CCDC192: variants seen among roughly 807,000 people sequenced by gnomAD.
CCDC192 encodes the protein coiled-coil domain containing 192.
intron 6 of CCDC192, among the ~76,000 whole-genome samples, chr5:127,939,862 T>C (rs1293460052): frequency 1.3e-5 from 2 of 152,210 alleles, no homozygotes; most frequent in African/African-American, 2.4e-5. Context: ...GGGACCTCAA[T>C]TGTAACAATC....
intron 6 of CCDC192, among the ~76,000 whole-genome samples, chr5:127,936,066 C>T (rs906270739): frequency 6.6e-6 from 1 of 151,898 alleles, no homozygotes; most frequent in African/African-American, 2.4e-5. Flanking sequence ...ATCGCACCAT[C>T]GCACTCCAGC....
chr5:127,925,758 G>A (rs552010301), intron 6 of CCDC192, among the ~76,000 whole-genome samples: 1 of 152,040 alleles, frequency 6.6e-6, no homozygotes, highest in Non-Finnish European at 1.5e-5. Context: ...CTTCTCGTTC[G>A]CTTAAACCAC....
chr5:127,736,948 T>G (rs928489277), intron 2 of CCDC192, among the ~76,000 whole-genome samples: 2 of 151,310 alleles, frequency 1.3e-5, no homozygotes, highest in African/African-American at 2.4e-5. Context: ...GCTCAGATTT[T>G]AGTTATTTCT....
rs186611053 is a variant in CCDC192 at position 127,861,065 on chromosome 5, A to G, written c.412-14473A>G. ...CTCTTGCTGCCCAGCCTGGAATGCAATGGCGCAATCTTGGCTCACTACAAC... is the reference window on the plus strand; with the variant it reads ...CTCTTGCTGCCCAGCCTGGAATGCAGTGGCGCAATCTTGGCTCACTACAAC... On this transcript the variant is annotated intron_variant, in intron 5 of 6. Coordinates refer to ENST00000514853, the MANE Select transcript of CCDC192 (RefSeq NM_001317938.2). Among the ~76,000 whole-genome samples the G allele has an allele frequency of 2.5e-3, 384 of 152,086 alleles. 1 individual carries two copies. Among genetic ancestry groups the G allele is most frequent in the Non-Finnish European group, 3.9e-3 (263 of 68,008 alleles).
At chr5:127,910,367 A>G (rs1232038201) in intron 6 of CCDC192, among the ~76,000 whole-genome samples, 1 of 152,240 alleles carries the variant, frequency 6.6e-6, no homozygotes, top group Admixed American at 6.5e-5. Context: ...TGGCTTCTTA[A>G]GTAAATTAAC....
intron 3 of CCDC192, chr5:127,786,640 A>T (rs1756556370): frequency 1.3e-6 from 1 of 760,812 alleles, no homozygotes; most frequent in Non-Finnish European, 2.5e-6. Context: ...AGGTAGGCAC[A>T]AATTCCATTC....
intron 2 of CCDC192, among the ~76,000 whole-genome samples, chr5:127,719,832 G>A (rs75346965): frequency 2.7e-5 from 3 of 112,308 alleles, no homozygotes; most frequent in African/African-American, 3.8e-5. Flanking sequence ...CAGAGGAAGG[G>A]GCGGGGGAGG....
chr5:127,770,776 G>A (rs1253370384), intron 3 of CCDC192, among the ~76,000 whole-genome samples: 2 of 152,256 alleles, frequency 1.3e-5, no homozygotes, highest in South Asian at 4.1e-4. Flanking sequence ...ATGCATTATT[G>A]GATTAACATA....
In CCDC192 at chr5:127,704,106, T is replaced by G. The variant is rs538577647; in HGVS notation, c.62+599T>G. 7.2e-5 allele frequency among the ~76,000 whole-genome samples: 11 copies of G among 152,378 alleles called. No homozygotes were observed. In the South Asian group the frequency reaches 2.3e-3, roughly 32 times the overall value. On this transcript the variant is annotated intron_variant, in intron 1 of 6. Coordinates refer to ENST00000514853, the MANE Select transcript of CCDC192 (RefSeq NM_001317938.2). ...ATCTTGAGTGAGAGGTGGCCACATC[T>G]CTGTAGCAGGAGCTACATCCTATAG...
chr5:127,709,202 G>GGC (rs1247306394), intron 2 of CCDC192, among the ~76,000 whole-genome samples: 1 of 85,698 alleles, frequency 1.2e-5, no homozygotes, highest in African/African-American at 4.8e-5. Context: ...GGAGAGAGGG[G>GGC]GAGAGAGAGA....
At position 127,933,224 on chromosome 5, in the gene CCDC192, G is replaced by T. The variant is rs76763896; in HGVS notation, c.536-7958G>T. On this transcript the variant is annotated intron_variant, in intron 6 of 6. Transcript: ENST00000514853. ...GCCTTGAAGATCAGTGTGAGACTTT[G>T]GTCTGCATGAGACGAAAAGTCGCTG... Among the ~76,000 whole-genome samples, 1,409 of 152,280 alleles carry T rather than the reference G, an allele frequency of 9.3e-3. 27 individuals carry two copies. The highest frequency in any genetic ancestry group is 0.031 in the African/African-American group (1,308 of 41,552).
intron 2 of CCDC192, among the ~76,000 whole-genome samples, chr5:127,738,673 C>A (rs1367304162): frequency 6.6e-6 from 1 of 151,950 alleles, no homozygotes; most frequent in Non-Finnish European, 1.5e-5. Context: ...CGCTTCATTT[C>A]ATTCATTTCT....
At chr5:127,707,615 G>A (rs1382746523) in intron 1 of CCDC192, 94 bp from the exon 2 acceptor site, 1 of 392,320 alleles carries the variant, frequency 2.5e-6, no homozygotes, top group East Asian at 3.6e-5. Flanking sequence ...ATGTTACAGT[G>A]TAATGATCTA....
At chr5:127,741,120 G>T (rs1753391130) in intron 2 of CCDC192, among the ~76,000 whole-genome samples, 1 of 152,038 alleles carries the variant, frequency 6.6e-6, no homozygotes, top group Non-Finnish European at 1.5e-5. Context: ...GAGTGCAGTG[G>T]CGTAATCTCG....
chr5:127,834,882 C>G (rs1418709938), intron 5 of CCDC192, among the ~76,000 whole-genome samples: 1 of 152,068 alleles, frequency 6.6e-6, no homozygotes, highest in Admixed American at 6.5e-5. Context: ...ACAAATGGGC[C>G]AGTGTGTATA....
At chr5:127,931,470 G>A (rs1216059577) in intron 6 of CCDC192, among the ~76,000 whole-genome samples, 1 of 152,160 alleles carries the variant, frequency 6.6e-6, no homozygotes, top group Non-Finnish European at 1.5e-5. Flanking sequence ...TTGTCAAGTA[G>A]CCAGCACAAT....
chr5:127,918,559 C>A (rs1277721831), intron 6 of CCDC192, among the ~76,000 whole-genome samples: 1 of 152,104 alleles, frequency 6.6e-6, no homozygotes, highest in African/African-American at 2.4e-5. Flanking sequence ...CAAAAAAGCC[C>A]CAAAATGAAG....
chr5:127,719,524 T>TATATATATATACAC lies in CCDC192; in HGVS notation c.114+11765_114+11766insTATATATATACACA, dbSNP rs1561444898. Among the ~76,000 whole-genome samples the TATATATATATACAC allele has an allele frequency of 3.2e-3, 285 of 88,182 alleles. 2 individuals are homozygous for TATATATATATACAC. The highest frequency in any genetic ancestry group is 7.8e-3 in the South Asian group (26 of 3,318). 57.9% of individuals were successfully genotyped at this position (88,182 alleles called of 152,430 possible). ...ACACATACATATATATATATATATA[T>TATATATATATACAC]ACACACATACATATATATATATATA... is the stretch of plus-strand genomic sequence containing the variant. On this transcript the variant is annotated intron_variant, in intron 2 of 6. Transcript: ENST00000514853.
chr5:127,864,248 C>T (rs983743396), intron 5 of CCDC192, among the ~76,000 whole-genome samples: 1 of 152,198 alleles, frequency 6.6e-6, no homozygotes, highest in African/African-American at 2.4e-5. Flanking sequence ...ATTAACAACT[C>T]ATATGATTAT....
Sources: gnomAD v4.1 joint callset for allele counts (sites outside exome capture counted in the v4.1 genomes callset) on GRCh38, gnomAD v4.1.1 for gene constraint, MANE v1.5 for transcripts, NCBI Gene and HGNC (gene_info 2026-07-23, HGNC 2026-07-21) for gene names.